Variants in ANKRD24 observed in about 807,000 individuals in gnomAD.
The protein encoded by ANKRD24 is ankyrin repeat domain-containing protein 24.
ANKRD24 carries 109 observed loss-of-function variants against 127.8 expected under a neutral mutation model. That is an observed-to-expected ratio of 0.85 (90% confidence interval 0.73 to 1.00). The LOEUF (loss-of-function observed/expected upper bound fraction) is 1.00, where lower values mean the gene tolerates loss of function less well. Among genes scored for constraint, ANKRD24 ranks in the 50% least tolerant of loss-of-function variants. The pLI is 0.00. For synonymous variants in ANKRD24, 743 were observed against 671.1 expected (o/e 1.11, Z -1.66); for missense variants, 1,648 against 1,570.2 (o/e 1.05, Z -0.84).
intron 2 of ANKRD24, among the ~76,000 whole-genome samples, chr19:4,193,243 A>G (rs1968483516): frequency 1.4e-5 from 2 of 141,284 alleles, no homozygotes; most frequent in South Asian, 5.0e-4. Flanking sequence ...CAGGGGTTGC[A>G]GTGAGCCGAG....
At position 4,223,408 on chromosome 19, in the gene ANKRD24, T is replaced by A. The variant is rs1428684059; in HGVS notation, c.3297+613T>A. ...ATATATATATATATATATATTTTTT[T>A]TTTTTTTTTTTTGAGCCAGTCTCAC... On this transcript the variant is annotated intron_variant, in intron 20 of 21. Coordinates refer to ENST00000318934, the MANE Select transcript of ANKRD24 (RefSeq NM_001393985.1). Among the ~76,000 whole-genome samples the A allele has an allele frequency of 1.5e-4, 19 of 130,910 alleles. No individual in the cohort carries two copies. In the East Asian group the frequency reaches 1.9e-3, roughly 13 times the overall value. 85.9% of individuals were successfully genotyped at this position (130,910 alleles called of 152,430 possible).
chr19:4,189,817 AG>A (rs1968282849), intron 2 of ANKRD24, among the ~76,000 whole-genome samples: 1 of 152,130 alleles, frequency 6.6e-6, no homozygotes, highest in Admixed American at 6.5e-5. Flanking sequence ...TAGATGAGGG[AG>A]GGAAGCCCAG....
chr19:4,185,992 G>T (rs575748010), intron 1 of ANKRD24, among the ~76,000 whole-genome samples: 1 of 152,250 alleles, frequency 6.6e-6, no homozygotes, highest in East Asian at 1.9e-4. Context: ...GAAGAAAAAA[G>T]AAACCATTCT....
intron 19 of ANKRD24, among the ~76,000 whole-genome samples, chr19:4,220,692 C>G (rs113480717): frequency 0.12 from 18,592 of 151,542 alleles, 3,094 homozygotes; most frequent in African/African-American, 0.38. Context: ...GTAGCTGGGA[C>G]TACAGGCGCC....
chr19:4,215,950 C>T (rs144895037), intron 15 of ANKRD24, 28 bp from the exon 16 acceptor site: 6 of 1,552,894 alleles, frequency 3.9e-6, no homozygotes, highest in East Asian at 2.4e-5. Flanking sequence ...AGCAGAACCC[C>T]GAGCTGGACT....
rs1175459516 is a variant in ANKRD24, at chr19:4,218,116, G to C, written c.2956G>C (p.Glu986Gln). The change falls in exon 18 of 22, where the codon GAG becomes CAG. Residue 986 changes from glutamate (E) to glutamine (Q), a missense_variant. Transcript: ENST00000318934. ...CGTGGCCCAGCTGGAGGGGCAGCTG[G>C]AGGAGCTGGGACGGCGGCATGAGAA... ...ANVAQLEGQLEELGRRHEKTS... is the reference protein window; with the variant it reads ...ANVAQLEGQLQELGRRHEKTS... 1.3e-6 allele frequency: 2 copies of C among 1,542,622 alleles called. No homozygotes were observed. Among genetic ancestry groups the C allele is most frequent in the South Asian group, 1.2e-5 (1 of 82,598 alleles).
intron 2 of ANKRD24, among the ~76,000 whole-genome samples, chr19:4,186,758 C>G (rs1456229664): frequency 2.0e-5 from 3 of 152,172 alleles, no homozygotes; most frequent in African/African-American, 7.2e-5. Context: ...AATCTCCGCT[C>G]TCCCCGGCCA....
At position 4,224,624 on chromosome 19, in the gene ANKRD24, T is replaced by G; in HGVS notation, c.*119T>G. 2.0e-6 allele frequency: 2 copies of G among 975,796 alleles called. No homozygotes were observed. The highest frequency in any genetic ancestry group is 3.1e-6 in the Non-Finnish European group (2 of 646,304). The allele number at this position is 975,796 out of a possible 1,614,324, so 60.4% of individuals were successfully genotyped here. ...TTGGCCCTATCCAGGCCCATGCACT[T>G]GGAGACCAGCCTGGTTCCCTGCCCG... On this transcript the variant is annotated 3_prime_UTR_variant, in exon 22 of 22. Transcript: ENST00000318934.
intron 20 of ANKRD24, 36 bp downstream of exon 20, chr19:4,222,831 C>A: frequency 6.4e-7 from 1 of 1,570,766 alleles, no homozygotes; most frequent in South Asian, 1.2e-5. Flanking sequence ...AGGGGACCAT[C>A]AGGGTGGAGG....
In ANKRD24 at chr19:4,224,320, C is replaced by T. The variant is rs1053064731; in HGVS notation, c.3364-108C>T. The T allele has an allele frequency of 1.2e-5, 17 of 1,423,688 alleles. No homozygotes were observed. The African/African-American group carries it at 1.3e-4, about 11-fold the overall frequency. 88.2% of individuals were successfully genotyped at this position (1,423,688 alleles called of 1,614,324 possible). A position where few individuals can be genotyped will look rare whatever the true frequency, so the allele number is the denominator to read the frequency against. On this transcript the variant is annotated intron_variant, in intron 21 of 21. Transcript: ENST00000318934. ...GAGGTTCGTGGCATGTGGGAGCCCC[C>T]CTGTGTGCATTTCCCTCCTGGCTGG... is the stretch of plus-strand genomic sequence containing the variant.
intron 1 of ANKRD24, among the ~76,000 whole-genome samples, chr19:4,185,792 G>A (rs780036306): frequency 3.9e-5 from 6 of 152,220 alleles, no homozygotes; most frequent in Non-Finnish European, 5.9e-5. Context: ...GCCCCTGACT[G>A]TTGAAAAGGA....
chr19:4,202,437 G>T (rs1009097513), intron 6 of ANKRD24, among the ~76,000 whole-genome samples: 1 of 152,052 alleles, frequency 6.6e-6, no homozygotes, highest in African/African-American at 2.4e-5. Flanking sequence ...GGGAGCGGTG[G>T]TGTGTGCCTG....
chr19:4,220,456 C>G (rs975309176), intron 19 of ANKRD24, among the ~76,000 whole-genome samples: 5 of 146,736 alleles, frequency 3.4e-5, no homozygotes, highest in African/African-American at 1.4e-4. Flanking sequence ...TGGGTTTGTA[C>G]CCACGTTCCC....
chr19:4,218,248 G>T, intron 18 of ANKRD24, 85 bp downstream of exon 18: 1 of 1,240,160 alleles, frequency 8.1e-7, no homozygotes, highest in African/African-American at 1.6e-5. Context: ...GAGGTGTTTT[G>T]AACCCATCAG....
At chr19:4,188,724 C>G (rs1209578773) in intron 2 of ANKRD24, among the ~76,000 whole-genome samples, 1 of 151,224 alleles carries the variant, frequency 6.6e-6, no homozygotes, top group African/African-American at 2.4e-5. Flanking sequence ...AATCCTTCCT[C>G]TGTCCCTGGT....
intron 15 of ANKRD24, among the ~76,000 whole-genome samples, chr19:4,215,008 T>C (rs947499399): frequency 1.3e-5 from 2 of 152,136 alleles, no homozygotes; most frequent in African/African-American, 2.4e-5. Context: ...TCCACTCTCA[T>C]GCAGACAAAC....
intron 1 of ANKRD24, among the ~76,000 whole-genome samples, chr19:4,185,888 TG>T (rs1310352544): frequency 1.3e-5 from 2 of 152,032 alleles, no homozygotes; most frequent in Non-Finnish European, 1.5e-5. Context: ...GAACCCAATT[TG>T]GGGAGTTAGA....
intron 11 of ANKRD24, among the ~76,000 whole-genome samples, chr19:4,209,424 T>TG (rs1289564404): frequency 3.4e-5 from 5 of 148,386 alleles, no homozygotes; most frequent in African/African-American, 1.2e-4. Context: ...CTAGTTTTTT[T>TG]TTTTTGTTGT....
intron 2 of ANKRD24, among the ~76,000 whole-genome samples, chr19:4,197,167 G>A (rs76342816): frequency 0.041 from 6,227 of 152,198 alleles, 327 homozygotes; most frequent in African/African-American, 0.12. Flanking sequence ...AGGTAAGTCT[G>A]TTGGCCCTGT....
Sources: allele counts gnomAD v4.1 joint callset (sites outside exome capture counted in the v4.1 genomes callset), GRCh38; gene constraint gnomAD v4.1.1; transcripts MANE v1.5; gene names NCBI Gene and HGNC (gene_info 2026-07-23, HGNC 2026-07-21).